UBE2D4: variants seen among roughly 807,000 people sequenced by gnomAD.
UBE2D4 encodes ubiquitin conjugating enzyme E2 D4.
In UBE2D4, 17 loss-of-function variants were observed where a neutral mutation model predicts 23.0. The observed-to-expected ratio is 0.74, with a 90% CI of 0.51 to 1.11. The LOEUF (loss-of-function observed/expected upper bound fraction) is 1.11. UBE2D4 is among the 50% of genes least tolerant of loss of function. The probability of loss-of-function intolerance (pLI) is 0.00; values close to 1 mark genes in which losing one functional copy is unlikely to be tolerated. For synonymous variants in UBE2D4, 61 were observed against 69.4 expected, an observed-to-expected ratio of 0.88 and a Z score of 0.60; for missense variants, 139 against 181.8, an observed-to-expected ratio of 0.76 and a Z score of 1.35.
intron 4 of UBE2D4, among the ~76,000 whole-genome samples, chr7:43,947,520 C>A (rs2095990822): frequency 6.6e-6 from 1 of 152,146 alleles, no homozygotes; most frequent in South Asian, 2.1e-4. Flanking sequence ...TGAACTTATC[C>A]TTTTTTATGG....
chr7:43,935,347 C>A (rs2095956123), intron 1 of UBE2D4, among the ~76,000 whole-genome samples: 1 of 152,066 alleles, frequency 6.6e-6, no homozygotes, highest in African/African-American at 2.4e-5. Context: ...ATATTCTAAC[C>A]CAAAATATTT....
intron 6 of UBE2D4, chr7:43,952,216 G>A (rs1018012284): frequency 1.2e-5 from 2 of 164,308 alleles, no homozygotes; most frequent in African/African-American, 4.8e-5. Flanking sequence ...AACAGCTGCT[G>A]AGGACTGTAC....
rs185781127 is a variant in UBE2D4 at position 43,955,752 on chromosome 7, C to G, written c.*3057C>G. 1 of 152,286 alleles carries G rather than the reference C, an allele frequency of 6.6e-6. No homozygotes were observed. Among genetic ancestry groups the G allele is most frequent in the Admixed American group, 6.5e-5 (1 of 15,274 alleles). The allele number at this position is 152,286 out of a possible 1,614,324, so 9.4% of individuals were successfully genotyped here. A position where few individuals can be genotyped will look rare whatever the true frequency, so the allele number is the denominator to read the frequency against. The stretch of plus-strand genomic sequence containing the variant: ...CATAGAGCCACTCATCTCTCCTCCC[C>G]TCCCCACCCCTTCTTCCCCTGCTTC... On this transcript the variant is annotated 3_prime_UTR_variant, in exon 7 of 7. Coordinates refer to ENST00000222402, the MANE Select transcript of UBE2D4 (RefSeq NM_015983.4).
Position 43,955,129 on chromosome 7 carries a change from G to A in UBE2D4, c.*2434G>A, listed in dbSNP as rs1372368208. 6.6e-6 allele frequency: 1 copy of A among 152,166 alleles called. No homozygotes were observed. The highest frequency in any genetic ancestry group is 6.5e-5 in the Admixed American group (1 of 15,272). The allele number at this position is 152,166 out of a possible 1,614,324, so 9.4% of individuals were successfully genotyped here. A position where few individuals can be genotyped will look rare whatever the true frequency, so the allele number is the denominator to read the frequency against. ...CACCTGCTTGCCATGTCTTTGAGGG[G>A]TTCAGGTCAGCCTGGAGAACAGGCT... On this transcript the variant is annotated 3_prime_UTR_variant, in exon 7 of 7. Transcript: ENST00000222402.
chr7:43,935,739 A>G (rs115623445), intron 1 of UBE2D4, among the ~76,000 whole-genome samples: 4,144 of 152,346 alleles, frequency 0.027, 213 homozygotes, highest in African/African-American at 0.095. Flanking sequence ...TTGAACGCAT[A>G]ATGATGATAG....
intron 1 of UBE2D4, among the ~76,000 whole-genome samples, chr7:43,935,063 A>T (rs1426776854): frequency 1.3e-5 from 2 of 152,298 alleles, no homozygotes; most frequent in East Asian, 3.9e-4. Context: ...TAGGCCCAAG[A>T]TCTGAGGGAA....
chr7:43,939,141 A>G (rs1409984124), intron 2 of UBE2D4, among the ~76,000 whole-genome samples: 2 of 152,180 alleles, frequency 1.3e-5, no homozygotes, highest in African/African-American at 4.8e-5. Context: ...ATATTGTTGG[A>G]GTTGGTCTAG....
chr7:43,933,730 T>G (rs2095952360), intron 1 of UBE2D4, among the ~76,000 whole-genome samples: 1 of 152,124 alleles, frequency 6.6e-6, no homozygotes, highest in Admixed American at 6.5e-5. Context: ...GGCAACACAG[T>G]GAGACCCTGT....
chr7:43,933,013 T>TATACATACAC (rs1340458201), intron 1 of UBE2D4, among the ~76,000 whole-genome samples: 2 of 116,648 alleles, frequency 1.7e-5, no homozygotes, highest in Non-Finnish European at 3.5e-5. Flanking sequence ...TATATATATA[T>TATACATACAC]ACACACACAT....
chr7:43,930,723 G>T (rs1394628678), intron 1 of UBE2D4, among the ~76,000 whole-genome samples: 2 of 152,124 alleles, frequency 1.3e-5, no homozygotes, highest in African/African-American at 4.8e-5. Context: ...TAAAGTGCTG[G>T]GATTACAGGT....
At chr7:43,929,609 T>C (rs1043894008) in intron 1 of UBE2D4, among the ~76,000 whole-genome samples, 3 of 151,974 alleles carry the variant, frequency 2.0e-5, no homozygotes, top group African/African-American at 7.3e-5. Flanking sequence ...GACCCTGTCT[T>C]AAAACAAAAG....
In UBE2D4 at chr7:43,952,569, T is replaced by C. The variant is rs1349724051; in HGVS notation, c.399-81T>C. ...AGCAGCAGCAGCAGCATTCCCCACA[T>C]CAGTCCTGTTCTCTGCAGCACATTG... On this transcript the variant is annotated intron_variant, in intron 6 of 6. Transcript: ENST00000222402. 8 of 1,244,662 alleles carry C rather than the reference T, an allele frequency of 6.4e-6. No individual in the cohort carries two copies. The Admixed American group carries it at 1.2e-4, about 18-fold the overall frequency. 77.1% of individuals were successfully genotyped at this position (1,244,662 alleles called of 1,614,324 possible).
chr7:43,942,088 T>A (rs1309570646), intron 2 of UBE2D4: 2 of 152,826 alleles, frequency 1.3e-5, no homozygotes, highest in Admixed American at 6.5e-5. Context: ...ACCAGCCATG[T>A]GATTTCAGGT....
At chr7:43,937,834 C>T (rs531477944) in intron 1 of UBE2D4, among the ~76,000 whole-genome samples, 1 of 147,944 alleles carries the variant, frequency 6.8e-6, no homozygotes, top group Admixed American at 6.9e-5. Context: ...CCCTGATCCC[C>T]ACTGGTGCAG....
At chr7:43,934,017 G>A (rs1178835764) in intron 1 of UBE2D4, among the ~76,000 whole-genome samples, 3 of 152,212 alleles carry the variant, frequency 2.0e-5, no homozygotes, top group Admixed American at 6.5e-5. Context: ...ATTTAGCACT[G>A]AAAAGAAAAG....
Position 43,948,625 on chromosome 7 carries a change from T to C in UBE2D4, c.199-7T>C. On this transcript the variant is annotated splice_region_variant and splice_polypyrimidine_tract_variant and intron_variant, in intron 4 of 6. Coordinates refer to ENST00000222402, the MANE Select transcript of UBE2D4 (RefSeq NM_015983.4). ...TTTGTCTGATTGGGGATCTCTTGTC[T>C]TTGCAGGTTGCTTTCACAACCAAAA... 6.3e-7 allele frequency: 1 copy of C among 1,590,946 alleles called. No individual in the cohort carries two copies. Among genetic ancestry groups the C allele is most frequent in the Non-Finnish European group, 8.6e-7 (1 of 1,161,062 alleles).
intron 2 of UBE2D4, among the ~76,000 whole-genome samples, chr7:43,939,928 A>G (rs969513722): frequency 6.6e-6 from 1 of 152,156 alleles, no homozygotes; most frequent in East Asian, 1.9e-4. Flanking sequence ...AGCTTTAGAA[A>G]TGGATGGGGG....
chr7:43,931,111 ACT>A (rs1325014643), intron 1 of UBE2D4, among the ~76,000 whole-genome samples: 9 of 148,958 alleles, frequency 6.0e-5, no homozygotes, highest in African/African-American at 2.2e-4. Context: ...ATAGAGTGAG[ACT>A]CTGTCTCAAA....
At chr7:43,933,029 T>TAC (rs1562597762) in intron 1 of UBE2D4, among the ~76,000 whole-genome samples, 1 of 124,014 alleles carries the variant, frequency 8.1e-6, no homozygotes, top group African/African-American at 3.1e-5. Flanking sequence ...CACATATATA[T>TAC]ACACATATGT....
Sources: gnomAD v4.1 joint callset for allele counts (sites outside exome capture counted in the v4.1 genomes callset) on GRCh38, gnomAD v4.1.1 for gene constraint, MANE v1.5 for transcripts, NCBI Gene and HGNC (gene_info 2026-07-23, HGNC 2026-07-21) for gene names.